Variants in CIB4 observed in about 807,000 individuals in gnomAD.
CIB4 encodes calcium and integrin binding family member 4.
A neutral mutation model predicts 25.8 loss-of-function variants in CIB4; 25 were observed. The ratio of observed to expected loss-of-function variants is 0.97; its 90% CI spans 0.71 to 1.35. The LOEUF (loss-of-function observed/expected upper bound fraction) is 1.35. CIB4 is among the 40% of genes most tolerant of loss of function. The probability of loss-of-function intolerance (pLI) is 0.00; values close to 1 mark genes in which losing one functional copy is unlikely to be tolerated. For synonymous variants in CIB4, 75 were observed against 81.4 expected (o/e 0.92, Z 0.42); for missense variants, 235 against 228.2 (o/e 1.03, Z -0.19).
chr2:26,640,380 A>T (rs1338179110), intron 2 of CIB4, among the ~76,000 whole-genome samples, 153 bp downstream of exon 2: 2 of 151,392 alleles, frequency 1.3e-5, no homozygotes, highest in Non-Finnish European at 3.0e-5. Flanking sequence ...GGGCCCTCCC[A>T]TCCCTGCCTG....
intron 3 of CIB4, among the ~76,000 whole-genome samples, chr2:26,600,605 A>C (rs1388636987): frequency 6.6e-6 from 1 of 152,146 alleles, no homozygotes; most frequent in Non-Finnish European, 1.5e-5. Context: ...CTCACCCAGA[A>C]AGGCACTGCC....
At chr2:26,591,302 G>A (rs1668581641) in intron 4 of CIB4, among the ~76,000 whole-genome samples, 1 of 152,254 alleles carries the variant, frequency 6.6e-6, no homozygotes, top group Non-Finnish European at 1.5e-5. Flanking sequence ...GGGAGAAACA[G>A]AGATGCTTGT....
intron 4 of CIB4, among the ~76,000 whole-genome samples, chr2:26,594,127 T>C (rs1668636263): frequency 6.6e-6 from 1 of 152,204 alleles, no homozygotes; most frequent in South Asian, 2.1e-4. Flanking sequence ...AGGCATCAGA[T>C]CTCTCTAGAA....
intron 4 of CIB4, among the ~76,000 whole-genome samples, chr2:26,591,144 G>A (rs1054823496): frequency 1.3e-5 from 2 of 152,192 alleles, no homozygotes; most frequent in Non-Finnish European, 2.9e-5. Context: ...ACGCTCTACC[G>A]TCTCTGAGAA....
chr2:26,623,321 C>T, intron 3 of CIB4: 1 of 189,908 alleles, frequency 5.3e-6, no homozygotes, highest in Non-Finnish European at 1.2e-5. Context: ...CTAACCTGGG[C>T]AACAGAGTGA....
chr2:26,587,504 C>T (rs907171307), intron 4 of CIB4, among the ~76,000 whole-genome samples: 6 of 151,826 alleles, frequency 4.0e-5, no homozygotes, highest in African/African-American at 7.2e-5. Context: ...ATCTGTAAAA[C>T]GGGAGTAATA....
chr2:26,630,234 A>G (rs1669391369), intron 2 of CIB4, among the ~76,000 whole-genome samples: 1 of 152,082 alleles, frequency 6.6e-6, no homozygotes, highest in Admixed American at 6.5e-5. Flanking sequence ...CTAAGAGAGG[A>G]TGAGCCCTCA....
intron 3 of CIB4, among the ~76,000 whole-genome samples, chr2:26,603,208 CTG>C (rs1033760529): frequency 1.1e-4 from 16 of 152,096 alleles, no homozygotes; most frequent in Non-Finnish European, 2.2e-4. Context: ...AAAAGCGAGA[CTG>C]AGAAACTATC....
chr2:26,601,217 C>CAAAAAAAAAA (rs142951418), intron 3 of CIB4, among the ~76,000 whole-genome samples: 26 of 23,692 alleles, frequency 1.1e-3, no homozygotes, highest in African/African-American at 2.9e-3. Context: ...GAGACCATGT[C>CAAAAAAAAAA]AAAAAAAAAA....
chr2:26,638,823 G>A (rs1413840300), intron 2 of CIB4, among the ~76,000 whole-genome samples: 1 of 152,066 alleles, frequency 6.6e-6, no homozygotes, highest in African/African-American at 2.4e-5. Flanking sequence ...GTGGTGGCAG[G>A]CACCTGTAGT....
intron 3 of CIB4, among the ~76,000 whole-genome samples, chr2:26,614,006 G>T (rs573277130): frequency 1.4e-4 from 21 of 152,308 alleles, no homozygotes; most frequent in African/African-American, 4.8e-4. Flanking sequence ...AAGCTGCAGG[G>T]CGTCTCCTCC....
intron 3 of CIB4, among the ~76,000 whole-genome samples, chr2:26,599,314 G>A (rs1038004875): frequency 2.1e-4 from 32 of 152,114 alleles, no homozygotes; most frequent in African/African-American, 7.7e-4. Flanking sequence ...CCCAAATTCT[G>A]GGAGTTTTTT....
chr2:26,625,897 G>A (rs995396227), intron 3 of CIB4, among the ~76,000 whole-genome samples: 1 of 152,164 alleles, frequency 6.6e-6, no homozygotes, highest in African/African-American at 2.4e-5. Context: ...AATCTATCTT[G>A]AGTTAATTTT....
intron 3 of CIB4, among the ~76,000 whole-genome samples, chr2:26,604,000 C>G (rs1331111688): frequency 7.6e-6 from 1 of 131,540 alleles, no homozygotes; most frequent in Non-Finnish European, 1.6e-5. Flanking sequence ...AAGAGCATAC[C>G]TTAAAAAAAA....
At chr2:26,607,052 T>C (rs1297498566) in intron 3 of CIB4, among the ~76,000 whole-genome samples, 1 of 152,182 alleles carries the variant, frequency 6.6e-6, no homozygotes, top group African/African-American at 2.4e-5. Context: ...TGCCACTCCC[T>C]GGAGGAAACT....
chr2:26,610,071 A>G (rs954436519), intron 3 of CIB4, among the ~76,000 whole-genome samples: 1 of 151,568 alleles, frequency 6.6e-6, no homozygotes, highest in Non-Finnish European at 1.5e-5. Context: ...TGCCTCCACG[A>G]CCCTCCTGGT....
intron 3 of CIB4, 73 bp downstream of exon 3, chr2:26,629,337 C>T: frequency 1.0e-6 from 1 of 980,330 alleles, no homozygotes. Flanking sequence ...CACCCCACCC[C>T]TCCCAGCACC....
intron 3 of CIB4, among the ~76,000 whole-genome samples, chr2:26,619,190 G>T (rs1669153981): frequency 6.6e-6 from 1 of 152,166 alleles, no homozygotes; most frequent in Non-Finnish European, 1.5e-5. Context: ...TTTCCCTCTG[G>T]GGATGAAATC....
intron 3 of CIB4, among the ~76,000 whole-genome samples, chr2:26,604,018 A>G (rs984137103): frequency 8.6e-5 from 13 of 150,688 alleles, no homozygotes; most frequent in African/African-American, 3.2e-4. Context: ...AAAAAAAAAA[A>G]AGAAAGAAAT....
Sources: gnomAD v4.1 joint callset for allele counts (sites outside exome capture counted in the v4.1 genomes callset) on GRCh38, gnomAD v4.1.1 for gene constraint, MANE v1.5 for transcripts, NCBI Gene and HGNC (gene_info 2026-07-23, HGNC 2026-07-21) for gene names.